Variants in DLGAP1 observed in about 807,000 individuals in gnomAD.
DLGAP1 encodes disks large-associated protein 1.
DLGAP1 carries 11 observed loss-of-function variants against 90.8 expected under a neutral mutation model. The ratio of observed to expected loss-of-function variants is 0.12; its 90% CI spans 0.08 to 0.20. The LOEUF is 0.20. Ranked by LOEUF, DLGAP1 falls within the 10% of genes least tolerant of loss-of-function variation. The pLI is 1.00. For synonymous variants in DLGAP1, 558 were observed against 540.7 expected (o/e 1.03, Z -0.44); for missense variants, 1,050 against 1,333.8 (o/e 0.79, Z 3.31).
chr18:3,834,051 G>T (rs1342332845), intron 4 of DLGAP1, among the ~76,000 whole-genome samples: 1 of 151,988 alleles, frequency 6.6e-6, no homozygotes, highest in Non-Finnish European at 1.5e-5. Context: ...TCACACCTGT[G>T]ATCCCAGCAC....
At chr18:4,119,486 G>C (rs1407956857) in intron 2 of DLGAP1, among the ~76,000 whole-genome samples, 2 of 152,168 alleles carry the variant, frequency 1.3e-5, no homozygotes, top group Non-Finnish European at 2.9e-5. Context: ...ATCTGCATTT[G>C]AACAGCACTC....
At chr18:4,120,544 G>A (rs1367009095) in intron 2 of DLGAP1, among the ~76,000 whole-genome samples, 2 of 152,176 alleles carry the variant, frequency 1.3e-5, no homozygotes, top group Admixed American at 6.5e-5. Flanking sequence ...AGGTAAGAAC[G>A]AGATTGGTGC....
chr18:4,148,439 T>G (rs1206270820), intron 2 of DLGAP1, among the ~76,000 whole-genome samples: 12 of 152,336 alleles, frequency 7.9e-5, no homozygotes, highest in East Asian at 7.7e-4. Context: ...AGAATTGTGA[T>G]TCTGGAAGAC....
intron 1 of DLGAP1, among the ~76,000 whole-genome samples, chr18:4,377,416 A>T (rs2082036327): frequency 6.6e-6 from 1 of 152,204 alleles, no homozygotes. Flanking sequence ...TCAAGTATTT[A>T]TAAAAACTCT....
intron 4 of DLGAP1, among the ~76,000 whole-genome samples, chr18:3,848,286 G>T (rs1324415880): frequency 6.6e-6 from 1 of 151,694 alleles, no homozygotes; most frequent in Non-Finnish European, 1.5e-5. Flanking sequence ...AGGAGGAAGA[G>T]GAGGAGGAGC....
At chr18:3,615,277 T>C (rs1445436093) in intron 7 of DLGAP1, among the ~76,000 whole-genome samples, 2 of 152,200 alleles carry the variant, frequency 1.3e-5, no homozygotes, top group Non-Finnish European at 2.9e-5. Context: ...TGGTGGTATT[T>C]GAGTAAATGA....
At chr18:4,149,634 G>A (rs967245) in intron 2 of DLGAP1, among the ~76,000 whole-genome samples, 14,756 of 152,200 alleles carry the variant, frequency 0.097, 1,618 homozygotes, top group East Asian at 0.26. Flanking sequence ...ATTACGGCCT[G>A]AGCTCTGCCT....
intron 8 of DLGAP1, among the ~76,000 whole-genome samples, chr18:3,574,197 T>A (rs1471008910): frequency 6.6e-6 from 1 of 152,260 alleles, no homozygotes; most frequent in African/African-American, 2.4e-5. Flanking sequence ...ACTTGTCTAT[T>A]TATTTAGTAT....
chr18:3,775,529 C>G lies in DLGAP1; in HGVS notation c.1173-33017G>C, dbSNP rs2064901598. On this transcript the variant is annotated intron_variant, in intron 5 of 12. Transcript: ENST00000315677. This position sits in a 1 kb window ranked among gnomAD's most constrained non-coding sequence, Gnocchi z 4.9. ...GATTGTAAGTTTCCCGAGGCCTCAC[C>G]AAGCACGCTTCCTGTACAGCCTGTG... 6.6e-6 allele frequency among the ~76,000 whole-genome samples: 1 copy of G among 152,190 alleles called. No homozygotes were observed. The highest frequency in any genetic ancestry group is 1.5e-5 in the Non-Finnish European group (1 of 68,044).
intron 2 of DLGAP1, among the ~76,000 whole-genome samples, chr18:4,069,234 G>C (rs2075411847): frequency 6.6e-6 from 1 of 152,114 alleles, no homozygotes; most frequent in Admixed American, 6.6e-5. Flanking sequence ...AAAGCACTTG[G>C]TTCATAGTCA....
At chr18:4,182,590 T>A (rs1173061644) in intron 1 of DLGAP1, among the ~76,000 whole-genome samples, 1 of 152,192 alleles carries the variant, frequency 6.6e-6, no homozygotes, top group African/African-American at 2.4e-5. Context: ...TGAAAATTAC[T>A]CATTCCCTAG....
At chr18:4,429,851 A>T (rs1205698593) in intron 1 of DLGAP1, among the ~76,000 whole-genome samples, 2 of 152,258 alleles carry the variant, frequency 1.3e-5, no homozygotes, top group African/African-American at 4.8e-5. Context: ...TGGAATAGTC[A>T]TAAACTGTAA....
chr18:4,008,224 TATACAC>T (rs1471146631), intron 2 of DLGAP1, among the ~76,000 whole-genome samples: 21 of 145,584 alleles, frequency 1.4e-4, no homozygotes, highest in African/African-American at 2.5e-4. Context: ...AATATATATA[TATACAC>T]ACACACACAC....
intron 7 of DLGAP1, among the ~76,000 whole-genome samples, chr18:3,645,472 T>C (rs537087005): frequency 6.6e-6 from 1 of 152,300 alleles, no homozygotes; most frequent in Admixed American, 6.5e-5. Context: ...ATGTTTTCCC[T>C]TGTGGGCATG....
At chr18:4,088,972 C>T (rs1196495198) in intron 2 of DLGAP1, among the ~76,000 whole-genome samples, 1 of 152,128 alleles carries the variant, frequency 6.6e-6, no homozygotes, top group Non-Finnish European at 1.5e-5. Flanking sequence ...CAAGAGAAAG[C>T]AATAAAGCGT....
chr18:4,056,702 T>A (rs2143196614), intron 2 of DLGAP1, among the ~76,000 whole-genome samples: 1 of 152,230 alleles, frequency 6.6e-6, no homozygotes, highest in East Asian at 1.9e-4. Context: ...CCAAAGAGGT[T>A]AAGACCCTAG....
At chr18:4,001,095 C>T (rs1011820950) in intron 3 of DLGAP1, among the ~76,000 whole-genome samples, 5 of 136,746 alleles carry the variant, frequency 3.7e-5, no homozygotes, top group Admixed American at 7.9e-5. Context: ...TGTTTTAAAT[C>T]TTTTTATTTT....
At chr18:3,808,780 T>C (rs1406212356) in intron 5 of DLGAP1, among the ~76,000 whole-genome samples, 1 of 151,910 alleles carries the variant, frequency 6.6e-6, no homozygotes, top group Non-Finnish European at 1.5e-5. Flanking sequence ...GGACACAGCA[T>C]GTCCAGGAGG....
At chr18:3,600,700 ATC>A (rs2056851438) in intron 7 of DLGAP1, among the ~76,000 whole-genome samples, 3 of 127,966 alleles carry the variant, frequency 2.3e-5, no homozygotes, top group African/African-American at 9.8e-5. Flanking sequence ...CTATATAGAT[ATC>A]TATAGCTATA....
Sources: allele counts gnomAD v4.1 joint callset (sites outside exome capture counted in the v4.1 genomes callset), GRCh38; gene constraint gnomAD v4.1.1; non-coding constraint Gnocchi (gnomAD v3.1); transcripts MANE v1.5; gene names NCBI Gene and HGNC (gene_info 2026-07-23, HGNC 2026-07-21).